The following STARD13 variants were observed in gnomAD, a reference collection of about 807,000 sequenced individuals.
The protein encoded by STARD13 is StAR related lipid transfer domain containing 13, also known as stAR-related lipid transfer protein 13.
Under a neutral mutation model 106.4 loss-of-function variants are expected in STARD13, and 62 were observed. The ratio of observed to expected loss-of-function variants is 0.58; its 90% confidence interval spans 0.48 to 0.72. STARD13 has a LOEUF of 0.72. STARD13 is among the 30% of genes least tolerant of loss of function. The pLI is 0.00. For synonymous variants in STARD13, 565 were observed against 553.0 expected, an observed-to-expected ratio of 1.02 and a Z score of -0.31; for missense variants, 1,387 against 1,424.0, an observed-to-expected ratio of 0.97 and a Z score of 0.42.
chr13:33,449,915 AT>A, the STARD13 span, among the ~76,000 whole-genome samples: 1 of 152,054 alleles, frequency 6.6e-6, no homozygotes, highest in East Asian at 1.9e-4. Context: ...AATACAACTG[AT>A]TTTGTATGTT....
Position 33,129,566 on chromosome 13 carries a change from C to G in STARD13, c.1111G>C (p.Ala371Pro), listed in dbSNP as rs751243265. 1 of 1,614,066 alleles carries G rather than the reference C, an allele frequency of 6.2e-7. No individual in the cohort carries two copies. Reference sequence around the variant, plus strand: ...CCTGCATCCGGCAGTGCTGTCCCCGCCAGCACATCTAGGTCCTCCAAGTAC... The same window carrying G: ...CCTGCATCCGGCAGTGCTGTCCCCGGCAGCACATCTAGGTCCTCCAAGTAC... ...GMYLEDLDVLAGTALPDAGDQ... is the reference protein window; with the variant it reads ...GMYLEDLDVLPGTALPDAGDQ... The change falls in exon 5 of 14, where the codon GCG becomes CCG. Residue 371 changes from alanine (A) to proline (P), a missense_variant. By Grantham distance (27) the Ala-to-Pro change is conservative. Transcript: ENST00000336934.
At chr13:33,600,424 A>T in the STARD13 span, among the ~76,000 whole-genome samples, 1 of 152,242 alleles carries the variant, frequency 6.6e-6, no homozygotes, top group Non-Finnish European at 1.5e-5. Flanking sequence ...TATTTTGGTT[A>T]TATAGAAGAA....
At position 33,126,202 on chromosome 13, in the gene STARD13, T is replaced by G. The variant is rs1877142737; in HGVS notation, c.1961A>C (p.Asp654Ala). 6.2e-7 allele frequency: 1 copy of G among 1,614,040 alleles called. No homozygotes were observed. Among genetic ancestry groups the G allele is most frequent in the Non-Finnish European group, 8.5e-7 (1 of 1,180,030 alleles). ...GCCAAAGACAGCCTTGTCTTTGTAG[T>G]CGGGAACTTTCATCCTCTTCATGAA... ...PKFMKRMKVP[D>A]YKDKAVFGVP... The change falls in exon 7 of 14, where the codon GAC (aspartate) becomes GCC (alanine). Residue 654 changes from aspartate to alanine, a missense_variant. Transcript: ENST00000336934.
the STARD13 span, among the ~76,000 whole-genome samples, chr13:33,485,307 G>C: frequency 6.6e-6 from 1 of 152,122 alleles, no homozygotes; most frequent in Non-Finnish European, 1.5e-5. Context: ...AAAAATCTTT[G>C]AAGTGAGACC....
At chr13:33,606,876 G>A in the STARD13 span, among the ~76,000 whole-genome samples, 2 of 152,154 alleles carry the variant, frequency 1.3e-5, no homozygotes, top group South Asian at 4.1e-4. Flanking sequence ...TGCACTCCCT[G>A]GTATGCTGCA....
chr13:33,274,437 C>T (rs1315518485), intron 1 of STARD13, among the ~76,000 whole-genome samples: 1 of 152,228 alleles, frequency 6.6e-6, no homozygotes, highest in Non-Finnish European at 1.5e-5. Context: ...TTCTCAACTT[C>T]CAACCTCCAG....
chr13:33,587,119 G>A, the STARD13 span, among the ~76,000 whole-genome samples: 1 of 151,836 alleles, frequency 6.6e-6, no homozygotes, highest in African/African-American at 2.4e-5. Flanking sequence ...AGGAGGCTGG[G>A]GCAGGAGAAT....
At chr13:33,608,937 T>A in the STARD13 span, among the ~76,000 whole-genome samples, 1 of 151,442 alleles carries the variant, frequency 6.6e-6, no homozygotes, top group Non-Finnish European at 1.5e-5. Context: ...ATACAAAAAA[T>A]TAGCCGGGCG....
At chr13:33,313,523 T>A (rs544559328) in intron 1 of STARD13, among the ~76,000 whole-genome samples, 2 of 152,166 alleles carry the variant, frequency 1.3e-5, no homozygotes, top group Non-Finnish European at 2.9e-5. Flanking sequence ...CTACCTAGAT[T>A]TAAACATTCT....
At chr13:33,512,454 T>C in the STARD13 span, among the ~76,000 whole-genome samples, 1 of 152,074 alleles carries the variant, frequency 6.6e-6, no homozygotes, top group Non-Finnish European at 1.5e-5. Flanking sequence ...TTAAATTTAC[T>C]ATGTTTTTTC....
chr13:33,289,550 T>C (rs1260899103), upstream of STARD13, among the ~76,000 whole-genome samples: 1 of 152,130 alleles, frequency 6.6e-6, no homozygotes, highest in Non-Finnish European at 1.5e-5. Flanking sequence ...TTTCACTCTT[T>C]TCACTATTAC....
chr13:33,490,134 C>A, the STARD13 span, among the ~76,000 whole-genome samples: 2 of 152,030 alleles, frequency 1.3e-5, no homozygotes, highest in Non-Finnish European at 2.9e-5. Context: ...TAGTTTACAA[C>A]CTGATTTCAA....
At chr13:33,436,271 T>A in the STARD13 span, among the ~76,000 whole-genome samples, 1 of 152,198 alleles carries the variant, frequency 6.6e-6, no homozygotes, top group Non-Finnish European at 1.5e-5. Flanking sequence ...CCAAAGAAAA[T>A]TTTTTTACAA....
At chr13:33,574,688 G>A in the STARD13 span, among the ~76,000 whole-genome samples, 47 of 152,076 alleles carry the variant, frequency 3.1e-4, no homozygotes, top group Non-Finnish European at 6.6e-4. Flanking sequence ...GCTGCAGTGA[G>A]CCATGATCAT....
At chr13:33,366,308 T>G in the STARD13 span, among the ~76,000 whole-genome samples, 1 of 152,204 alleles carries the variant, frequency 6.6e-6, no homozygotes, top group East Asian at 1.9e-4. This position sits in a 1 kb window ranked among gnomAD's most constrained non-coding sequence, Gnocchi z 4.2. Flanking sequence ...AGGGATTTAA[T>G]AAATATTTCT....
At chr13:33,346,826 A>G (rs576277198), downstream of STARD13, among the ~76,000 whole-genome samples, 8 of 150,460 alleles carry the variant, frequency 5.3e-5, no homozygotes, top group South Asian at 1.7e-3. Flanking sequence ...TTTAGTAGAG[A>G]TGGGGTTTCA....
At chr13:33,541,997 G>A in the STARD13 span, among the ~76,000 whole-genome samples, 2 of 152,250 alleles carry the variant, frequency 1.3e-5, no homozygotes, top group African/African-American at 4.8e-5. Flanking sequence ...TTTGATAAAA[G>A]ACCAAGGCCA....
chr13:33,208,447 G>A lies in STARD13; in HGVS notation c.170-40825C>T, dbSNP rs182221643. On this transcript the variant is annotated intron_variant, in intron 1 of 13. Coordinates refer to ENST00000336934, the MANE Select transcript of STARD13 (RefSeq NM_178006.4). ...GGTGCTGCTGAAGCACAGGGAACAC[G>A]TGGGGGAAATCAAGCAAATGAGTCA... is the stretch of plus-strand genomic sequence containing the variant. Among the ~76,000 whole-genome samples the A allele has an allele frequency of 3.2e-4, 49 of 152,280 alleles. 1 individual carries two copies. The highest frequency in any genetic ancestry group is 2.7e-3 in the Admixed American group (42 of 15,312).
At chr13:33,534,416 A>C in the STARD13 span, among the ~76,000 whole-genome samples, 2 of 152,198 alleles carry the variant, frequency 1.3e-5, no homozygotes, top group Non-Finnish European at 2.9e-5. Context: ...ATAGTTGAAG[A>C]AGTAGGACAG....
Sources: allele counts gnomAD v4.1 joint callset (sites outside exome capture counted in the v4.1 genomes callset), GRCh38; gene constraint gnomAD v4.1.1; non-coding constraint Gnocchi (gnomAD v3.1); transcripts MANE v1.5; gene names NCBI Gene and HGNC (gene_info 2026-07-23, HGNC 2026-07-21).